The following MALSU1 variants were observed in gnomAD, a reference collection of about 807,000 sequenced individuals.
MALSU1 encodes mitochondrial assembly of ribosomal large subunit 1.
Under a neutral mutation model 22.1 loss-of-function variants are expected in MALSU1, and 22 were observed. The observed-to-expected ratio is 1.00, with a 90% CI of 0.71 to 1.42. The LOEUF (loss-of-function observed/expected upper bound fraction) is 1.42. Among genes scored for constraint, MALSU1 ranks in the 40% most tolerant of loss-of-function variants. The pLI is 0.00. For missense variants in MALSU1, 379 were observed against 308.3 expected (o/e 1.23, Z -1.72); for synonymous variants, 153 against 118.5 (o/e 1.29, Z -1.89).
intron 2 of MALSU1, among the ~76,000 whole-genome samples, chr7:23,301,898 G>A (rs1283590917): frequency 1.3e-5 from 2 of 152,016 alleles, no homozygotes; most frequent in African/African-American, 2.4e-5. Context: ...GAACCTGGGA[G>A]GCGGAGGTTG....
rs775114049 is a variant in MALSU1 at position 23,299,417 on chromosome 7, C to A, written c.65C>A (p.Ser22Ter). 8.1e-6 allele frequency: 13 copies of A among 1,601,670 alleles called. No homozygotes were observed. The Admixed American group carries it at 2.2e-4, about 27-fold the overall frequency. The change falls in exon 1 of 4, where the codon TCG becomes TAG. Residue 22 changes from serine to a stop codon, truncating the protein, a stop_gained. Transcript: ENST00000466681. LOFTEE classifies it high-confidence loss of function. ...CTAATGTGGCGCAGGGCGGTTTCCT[C>A]GGTGGCGGGGTCCGCGGTTGGAGCC... ...APLMWRRAVS[S>*]VAGSAVGAEP...
intron 3 of MALSU1, among the ~76,000 whole-genome samples, chr7:23,308,281 GGTA>G (rs891860776): frequency 8.5e-5 from 13 of 152,290 alleles, no homozygotes; most frequent in African/African-American, 3.1e-4. Context: ...CCTTAGTAGT[GGTA>G]GAGGAAGGTT....
intron 2 of MALSU1, among the ~76,000 whole-genome samples, chr7:23,304,247 A>C (rs777732058): frequency 1.5e-4 from 23 of 151,988 alleles, no homozygotes; most frequent in Non-Finnish European, 3.2e-4. Flanking sequence ...AATGTTTTTA[A>C]TTTTTTGAGG....
chr7:23,310,778 A>G lies in MALSU1; in HGVS notation c.*1235A>G, dbSNP rs1012869157. On this transcript the variant is annotated 3_prime_UTR_variant, in exon 4 of 4. Transcript: ENST00000466681. ...TATAGAAATTCATCTTGAAATAAGA[A>G]TGAGGCAGTGATTTTTTTTTTAAAG... The G allele has an allele frequency of 4.6e-5, 7 of 150,628 alleles. No homozygotes were observed. Among genetic ancestry groups the G allele is most frequent in the Admixed American group, 2.6e-4 (4 of 15,220 alleles). The allele number at this position is 150,628 out of a possible 1,614,324, so 9.3% of individuals were successfully genotyped here. A position where few individuals can be genotyped will look rare whatever the true frequency, so the allele number is the denominator to read the frequency against.
intron 2 of MALSU1, among the ~76,000 whole-genome samples, chr7:23,302,808 G>A (rs1220405651): frequency 6.6e-6 from 1 of 152,078 alleles, no homozygotes; most frequent in Non-Finnish European, 1.5e-5. Context: ...CAAGAGTCTC[G>A]CTCTGTCGCC....
At chr7:23,303,967 G>A (rs1783691781) in intron 2 of MALSU1, among the ~76,000 whole-genome samples, 1 of 151,998 alleles carries the variant, frequency 6.6e-6, no homozygotes, top group South Asian at 2.1e-4. Flanking sequence ...TTAGCTGGGT[G>A]TGGTGGAGGG....
intron 2 of MALSU1, 89 bp from the exon 3 acceptor site, chr7:23,307,774 AAAAAC>A: frequency 1.3e-6 from 1 of 798,710 alleles, no homozygotes; most frequent in Non-Finnish European, 2.1e-6. Context: ...AAAGATTAAA[AAAAAC>A]AAACAAACAA....
At chr7:23,301,967 CA>C (rs754165826) in intron 2 of MALSU1, among the ~76,000 whole-genome samples, 1,573 of 97,628 alleles carry the variant, frequency 0.016, 15 homozygotes, top group African/African-American at 0.04. Flanking sequence ...GACTCTGTCT[CA>C]AAAAAAAAAA....
At chr7:23,301,256 G>T (rs1783641234) in intron 2 of MALSU1, 1 of 346,966 alleles carries the variant, frequency 2.9e-6, no homozygotes. Flanking sequence ...CCGCAAGGAA[G>T]ATTTTTTTTT....
At position 23,311,210 on chromosome 7, in the gene MALSU1, G is replaced by A. The variant is rs1239380033; in HGVS notation, c.*1667G>A. On this transcript the variant is annotated 3_prime_UTR_variant, in exon 4 of 4. Transcript: ENST00000466681. ...CCCCATGGAAATGTAGCCTTTTGTT[G>A]CGTTTAAACACTGTCACACCATCTA... is the stretch of plus-strand genomic sequence containing the variant. The A allele has an allele frequency of 2.6e-5, 4 of 151,874 alleles. No individual in the cohort carries two copies. Among genetic ancestry groups the A allele is most frequent in the Non-Finnish European group, 5.9e-5 (4 of 67,976 alleles). 9.4% of individuals were successfully genotyped at this position (151,874 alleles called of 1,614,324 possible).
chr7:23,303,513 G>C (rs1269929839), intron 2 of MALSU1, among the ~76,000 whole-genome samples: 2 of 152,104 alleles, frequency 1.3e-5, no homozygotes, highest in East Asian at 1.9e-4. Context: ...TACTGTTCAT[G>C]AGGCTGGGCG....
Position 23,299,461 on chromosome 7 carries a change from C to A in MALSU1, c.109C>A (p.Leu37Met), listed in dbSNP as rs1211421148. 1.9e-6 allele frequency: 3 copies of A among 1,608,604 alleles called. No individual in the cohort carries two copies. In the African/African-American group the frequency reaches 4.0e-5, roughly 21 times the overall value. Residue 37 changes from leucine to methionine, a missense_variant, in exon 1 of 4, where the codon CTG becomes ATG. Coordinates refer to ENST00000466681, the MANE Select transcript of MALSU1 (RefSeq NM_138446.2). ...TGGAGCCGAGCCCGGGCTTCGGCTG[C>A]TGGCCGTGCAGCGGCTTCCCGTAGG... ...AVGAEPGLRL[L>M]AVQRLPVGAA...
intron 2 of MALSU1, among the ~76,000 whole-genome samples, chr7:23,303,266 ATC>A (rs1326200390): frequency 6.6e-6 from 1 of 152,228 alleles, no homozygotes; most frequent in Non-Finnish European, 1.5e-5. Flanking sequence ...ACTTTTCAGT[ATC>A]TCATAAAAGT....
chr7:23,304,521 A>G (rs901480965), intron 2 of MALSU1, among the ~76,000 whole-genome samples: 1 of 152,206 alleles, frequency 6.6e-6, no homozygotes, highest in African/African-American at 2.4e-5. Context: ...TTTTAAAGAG[A>G]CAGTGTCTCA....
chr7:23,309,751 A>G lies in MALSU1; in HGVS notation c.*208A>G. On this transcript the variant is annotated 3_prime_UTR_variant, in exon 4 of 4. Coordinates refer to ENST00000466681, the MANE Select transcript of MALSU1 (RefSeq NM_138446.2). Reference sequence around the variant, plus strand: ...AATCAGTACATTCTACCCAAAACTTATGACACGCTGCCTTTATCCTGGAAA... The same window carrying G: ...AATCAGTACATTCTACCCAAAACTTGTGACACGCTGCCTTTATCCTGGAAA... 2.9e-6 allele frequency: 1 copy of G among 342,950 alleles called. No homozygotes were observed. The highest frequency in any genetic ancestry group is 5.3e-6 in the Non-Finnish European group (1 of 190,266). The allele number at this position is 342,950 out of a possible 1,614,324, so 21.2% of individuals were successfully genotyped here.
At chr7:23,301,123 C>T in intron 2 of MALSU1, 106 bp downstream of exon 2, 1 of 1,022,962 alleles carries the variant, frequency 9.8e-7, no homozygotes, top group Non-Finnish European at 1.4e-6. Flanking sequence ...TACAAAGTTA[C>T]AGAAGAAGCC....
At chr7:23,309,034 T>C (rs1387467243) in intron 3 of MALSU1, among the ~76,000 whole-genome samples, 1 of 152,228 alleles carries the variant, frequency 6.6e-6, no homozygotes, top group African/African-American at 2.4e-5. Context: ...GCAGTCAGTG[T>C]TTTTGCACAA....
chr7:23,299,368 C>A lies in MALSU1; in HGVS notation c.16C>A (p.Arg6Ser), dbSNP rs375849242. 3.2e-6 allele frequency: 5 copies of A among 1,582,004 alleles called. No individual in the cohort carries two copies. The highest frequency in any genetic ancestry group is 4.3e-6 in the Non-Finnish European group (5 of 1,168,768). The change falls in exon 1 of 4, where the codon CGT (arginine) becomes AGT (serine). Residue 6 changes from arginine (R) to serine (S), a missense_variant. Physicochemically the swap from Arg to Ser is moderately radical, Grantham distance 110. Coordinates refer to ENST00000466681, the MANE Select transcript of MALSU1 (RefSeq NM_138446.2). ...GGCTGCTGCTATGGGGCCGGGCGGC[C>A]GTGTGGCGCGGCTGCTCGCCCCACT... MGPGGRVARLLAPLMW... is the reference protein window; with the variant it reads MGPGGSVARLLAPLMW...
At chr7:23,305,379 T>G (rs1297219085) in intron 2 of MALSU1, among the ~76,000 whole-genome samples, 1 of 151,890 alleles carries the variant, frequency 6.6e-6, no homozygotes, top group African/African-American at 2.4e-5. Flanking sequence ...TGGGGTTCCT[T>G]GAGAGTCCAT....
Sources: gnomAD v4.1 joint callset for allele counts (sites outside exome capture counted in the v4.1 genomes callset) on GRCh38, gnomAD v4.1.1 for gene constraint, MANE v1.5 for transcripts, NCBI Gene and HGNC (gene_info 2026-07-23, HGNC 2026-07-21) for gene names.